TSEN15: variants seen among roughly 807,000 people sequenced by gnomAD.
TSEN15 encodes the protein tRNA-splicing endonuclease subunit Sen15.
A neutral mutation model predicts 20.5 loss-of-function variants in TSEN15; 10 were observed. The ratio of observed to expected loss-of-function variants is 0.49; its 90% CI spans 0.30 to 0.83. The LOEUF (loss-of-function observed/expected upper bound fraction) is 0.83, where lower values mean the gene tolerates loss of function less well. TSEN15 is among the 40% of genes least tolerant of loss of function. The pLI is 0.06. For synonymous variants in TSEN15, 72 were observed against 80.1 expected (o/e 0.90, Z 0.54); for missense variants, 180 against 218.6 (o/e 0.82, Z 1.11).
chr1:184,070,601 T>C, intron 3 of TSEN15: 1 of 1,146,092 alleles, frequency 8.7e-7, no homozygotes, highest in Non-Finnish European at 1.2e-6. Context: ...TCTTTTTCTA[T>C]TATTATTAAT....
downstream of TSEN15, among the ~76,000 whole-genome samples, chr1:184,075,386 TGTAA>T (rs757449106): frequency 2.0e-5 from 3 of 152,202 alleles, no homozygotes; most frequent in Non-Finnish European, 2.9e-5. Context: ...TAAGTAATTT[TGTAA>T]GTGAGTTTAC....
At chr1:184,091,124 A>G (rs1173736688) in intron 3 of TSEN15, among the ~76,000 whole-genome samples, 1 of 151,718 alleles carries the variant, frequency 6.6e-6, no homozygotes, top group African/African-American at 2.4e-5. Flanking sequence ...CTTACTTTTC[A>G]AAATACAGCT....
chr1:184,071,163 C>G (rs1441016868), intron 3 of TSEN15: 1 of 151,946 alleles, frequency 6.6e-6, no homozygotes, highest in African/African-American at 2.4e-5. Flanking sequence ...TTCAAGTATC[C>G]TTGAAAAGAC....
intron 3 of TSEN15, chr1:184,095,310 C>T (rs1651428222): frequency 2.5e-6 from 1 of 392,896 alleles, no homozygotes; most frequent in South Asian, 1.4e-4. Context: ...CCGCTAACAA[C>T]TTATTGTTGG....
chr1:184,071,780 A>G (rs1271802356), intron 3 of TSEN15, among the ~76,000 whole-genome samples: 1 of 152,126 alleles, frequency 6.6e-6, no homozygotes, highest in African/African-American at 2.4e-5. Context: ...GAATCCAACC[A>G]TACCAATGTT....
chr1:184,052,546 A>G (rs557585061), intron 1 of TSEN15, among the ~76,000 whole-genome samples: 3 of 152,144 alleles, frequency 2.0e-5, no homozygotes, highest in African/African-American at 7.2e-5. Context: ...GTGAATGGAG[A>G]TGTGGGTTTT....
intron 3 of TSEN15, among the ~76,000 whole-genome samples, chr1:184,060,815 T>C (rs1650426274): frequency 6.6e-6 from 1 of 152,208 alleles, no homozygotes; most frequent in Non-Finnish European, 1.5e-5. Context: ...TTTCTCTTGC[T>C]TTATTGGTTT....
chr1:184,059,552 G>A (rs1314281703), intron 3 of TSEN15, among the ~76,000 whole-genome samples: 1 of 152,050 alleles, frequency 6.6e-6, no homozygotes, highest in Non-Finnish European at 1.5e-5. Context: ...CCTAAGAATA[G>A]CTGGGACATG....
intron 3 of TSEN15, among the ~76,000 whole-genome samples, chr1:184,087,974 G>A (rs1337829077): frequency 2.6e-5 from 4 of 152,140 alleles, no homozygotes; most frequent in Non-Finnish European, 4.4e-5. Context: ...GGAGCTTAGG[G>A]GAGACCTAAG....
intron 3 of TSEN15, chr1:184,093,731 G>A (rs1014474140): frequency 2.6e-5 from 4 of 152,134 alleles, no homozygotes; most frequent in African/African-American, 9.7e-5. Flanking sequence ...TCAGGTGAGA[G>A]GATTTCATTA....
chr1:184,071,220 C>T (rs1195497404), intron 3 of TSEN15: 2 of 151,896 alleles, frequency 1.3e-5, no homozygotes, highest in Admixed American at 6.6e-5. Flanking sequence ...ATCAACTGAC[C>T]AGCCTTATAG....
intron 3 of TSEN15, among the ~76,000 whole-genome samples, chr1:184,069,690 GCAA>G (rs1334234284): frequency 6.6e-6 from 1 of 151,880 alleles, no homozygotes; most frequent in African/African-American, 2.4e-5. Context: ...TGACTAAAAG[GCAA>G]AATAAACATT....
At chr1:184,089,071 C>T (rs1412136522) in intron 3 of TSEN15, among the ~76,000 whole-genome samples, 4 of 152,142 alleles carry the variant, frequency 2.6e-5, no homozygotes, top group Non-Finnish European at 5.9e-5. Context: ...GCAACATGGG[C>T]GTACTTGCCA....
intron 3 of TSEN15, among the ~76,000 whole-genome samples, chr1:184,090,019 T>C (rs188670623): frequency 1.1e-4 from 16 of 152,344 alleles, no homozygotes; most frequent in African/African-American, 3.6e-4. Context: ...CAAAGACCTG[T>C]ACATGAGGTT....
At chr1:184,096,172 T>C (rs1651445861) in exon 4 of TSEN15, 1 of 156,280 alleles carries the variant, frequency 6.4e-6, no homozygotes, top group Admixed American at 6.5e-5. Flanking sequence ...TATGTCATGA[T>C]AATTTGTGTC....
At position 184,060,342 on chromosome 1, in the gene TSEN15, G is replaced by A. The variant is rs140034041; in HGVS notation, c.353+5479G>A. 5.8e-3 allele frequency among the ~76,000 whole-genome samples: 881 copies of A among 152,342 alleles called. 6 individuals carry two copies. The highest frequency in any genetic ancestry group is 0.02 in the African/African-American group (813 of 41,584). ...TCTTCACTAAGGTTCAAGGCTTGGC[G>A]AACAATGAAGGCCAGATTTTAGATC... On this transcript the variant is annotated intron_variant, in intron 3 of 4. Coordinates refer to ENST00000645668, the MANE Select transcript of TSEN15 (RefSeq NM_052965.4).
chr1:184,093,859 T>G (rs1651401021), intron 3 of TSEN15: 1 of 152,238 alleles, frequency 6.6e-6, no homozygotes, highest in Non-Finnish European at 1.5e-5. Context: ...GATCTGCGAC[T>G]TCAAATTGAA....
At chr1:184,076,775 T>C (rs978204745), downstream of TSEN15, among the ~76,000 whole-genome samples, 2 of 152,136 alleles carry the variant, frequency 1.3e-5, no homozygotes, top group Non-Finnish European at 2.9e-5. Context: ...GCAGAGAAGA[T>C]CAAACCAGCT....
At chr1:184,075,221 C>G (rs910851037), downstream of TSEN15, among the ~76,000 whole-genome samples, 6 of 152,170 alleles carry the variant, frequency 3.9e-5, no homozygotes, top group Admixed American at 2.0e-4. Flanking sequence ...GATGTTTACT[C>G]TATTTCAGAA....
Sources: gnomAD v4.1 joint callset for allele counts (sites outside exome capture counted in the v4.1 genomes callset) on GRCh38, gnomAD v4.1.1 for gene constraint, MANE v1.5 for transcripts, NCBI Gene and HGNC (gene_info 2026-07-23, HGNC 2026-07-21) for gene names.